DENND1A: variants seen among roughly 807,000 people sequenced by gnomAD.
The protein encoded by DENND1A is DENN domain containing 1A, also known as DENN domain-containing protein 1A.
A neutral mutation model predicts 113.7 loss-of-function variants in DENND1A; 51 were observed. The observed-to-expected ratio is 0.45, with a 90% CI of 0.36 to 0.57. The LOEUF (loss-of-function observed/expected upper bound fraction) is 0.57, where lower values mean the gene tolerates loss of function less well. Among genes scored for constraint, DENND1A ranks in the 20% least tolerant of loss-of-function variants. The probability of loss-of-function intolerance (pLI) is 0.00; values close to 1 mark genes in which losing one functional copy is unlikely to be tolerated. For missense variants in DENND1A, 1,258 were observed against 1,395.9 expected (o/e 0.90, Z 1.57); for synonymous variants, 565 against 570.8 (o/e 0.99, Z 0.14).
chr9:123,843,225 C>T, intron 2 of DENND1A: 2 of 520,724 alleles, frequency 3.8e-6, no homozygotes, highest in Non-Finnish European at 3.8e-6. Context: ...AGTAGTGAAA[C>T]CAAATGCATC....
intron 5 of DENND1A, among the ~76,000 whole-genome samples, chr9:123,743,730 C>G (rs912958102): frequency 6.7e-6 from 1 of 148,168 alleles, no homozygotes; most frequent in South Asian, 2.1e-4. Flanking sequence ...GAAACTGCAT[C>G]TCAAAAAAAA....
intron 12 of DENND1A, among the ~76,000 whole-genome samples, chr9:123,563,214 A>G (rs748582812): frequency 1.3e-5 from 2 of 152,182 alleles, no homozygotes; most frequent in Non-Finnish European, 2.9e-5. Context: ...GACTGGTCTT[A>G]TACAACCACA....
chr9:123,742,226 C>T (rs1306607427), intron 5 of DENND1A, among the ~76,000 whole-genome samples: 3 of 147,970 alleles, frequency 2.0e-5, no homozygotes, highest in Non-Finnish European at 4.5e-5. Context: ...CCTCTGTTTC[C>T]AAAGCATGGG....
chr9:123,876,863 A>C (rs1002061430), intron 2 of DENND1A, among the ~76,000 whole-genome samples: 1 of 152,226 alleles, frequency 6.6e-6, no homozygotes, highest in Non-Finnish European at 1.5e-5. Context: ...AAAATGTGGA[A>C]TACTACTCAG....
At chr9:123,453,900 T>G (rs1052233301) in intron 16 of DENND1A, among the ~76,000 whole-genome samples, 2 of 152,220 alleles carry the variant, frequency 1.3e-5, no homozygotes, top group Admixed American at 6.5e-5. Context: ...ACTCCCTTTA[T>G]CAATCAATCA....
At chr9:123,533,483 A>G (rs1180886836) in intron 13 of DENND1A, among the ~76,000 whole-genome samples, 2 of 152,248 alleles carry the variant, frequency 1.3e-5, no homozygotes, top group Non-Finnish European at 2.9e-5. Flanking sequence ...TGGCTTTCTC[A>G]GAGCCCAGAG....
intron 13 of DENND1A, among the ~76,000 whole-genome samples, chr9:123,527,459 C>T (rs1339502389): frequency 1.3e-5 from 2 of 152,132 alleles, no homozygotes; most frequent in African/African-American, 2.4e-5. Flanking sequence ...CTTTCAGGTT[C>T]ATCTCTTGCC....
intron 1 of DENND1A, among the ~76,000 whole-genome samples, chr9:123,916,374 T>C (rs1249526626): frequency 6.7e-6 from 1 of 149,680 alleles, no homozygotes; most frequent in Non-Finnish European, 1.5e-5. Flanking sequence ...GTATTTGCTT[T>C]TTTTTTTTTT....
chr9:123,623,094 T>C (rs1454229519), intron 10 of DENND1A, among the ~76,000 whole-genome samples: 1 of 152,082 alleles, frequency 6.6e-6, no homozygotes, highest in Non-Finnish European at 1.5e-5. Flanking sequence ...TTCATTCTTA[T>C]GCCACAGCTG....
chr9:123,613,402 A>C (rs1195510657), intron 10 of DENND1A, among the ~76,000 whole-genome samples: 1 of 152,202 alleles, frequency 6.6e-6, no homozygotes, highest in Non-Finnish European at 1.5e-5. Flanking sequence ...TCTAATTCAG[A>C]GGCATAAACG....
At chr9:123,460,484 T>C (rs946490267) in intron 13 of DENND1A, among the ~76,000 whole-genome samples, 3 of 152,230 alleles carry the variant, frequency 2.0e-5, no homozygotes, top group Non-Finnish European at 4.4e-5. Flanking sequence ...CTCCACCTGA[T>C]GGCCTGCTGG....
intron 22 of DENND1A, 103 bp downstream of exon 22, chr9:123,387,626 TC>T: frequency 2.3e-5 from 27 of 1,189,304 alleles, no homozygotes; most frequent in Non-Finnish European, 2.6e-5. Context: ...CCAGACACCC[TC>T]CCCCCGACAC....
At chr9:123,483,025 A>G (rs1588753797) in intron 13 of DENND1A, among the ~76,000 whole-genome samples, 1 of 152,220 alleles carries the variant, frequency 6.6e-6, no homozygotes, top group African/African-American at 2.4e-5. Context: ...TTCTGATCTC[A>G]GTGAGGCCAG....
intron 11 of DENND1A, among the ~76,000 whole-genome samples, chr9:123,596,737 C>A (rs1236697137): frequency 2.0e-5 from 3 of 152,198 alleles, no homozygotes; most frequent in Non-Finnish European, 4.4e-5. Context: ...GGCAAGCAAG[C>A]CCTAAAAGTA....
At chr9:123,796,236 G>T (rs1210583555) in intron 2 of DENND1A, among the ~76,000 whole-genome samples, 1 of 152,096 alleles carries the variant, frequency 6.6e-6, no homozygotes, top group Non-Finnish European at 1.5e-5. Context: ...CATCAAAGAG[G>T]CTGTCCCCAC....
intron 12 of DENND1A, among the ~76,000 whole-genome samples, chr9:123,563,667 C>T (rs972555260): frequency 2.6e-5 from 4 of 152,246 alleles, no homozygotes; most frequent in East Asian, 1.9e-4. Context: ...ATTCATCCTT[C>T]GCATTGAATT....
intron 5 of DENND1A, among the ~76,000 whole-genome samples, chr9:123,702,482 C>A (rs928636366): frequency 2.6e-5 from 4 of 152,068 alleles, no homozygotes; most frequent in Non-Finnish European, 4.4e-5. Context: ...AGATTCAATT[C>A]AAATAAGACT....
intron 12 of DENND1A, among the ~76,000 whole-genome samples, 175 bp downstream of exon 12, chr9:123,582,994 T>C (rs999385669): frequency 3.9e-5 from 6 of 152,168 alleles, no homozygotes; most frequent in Admixed American, 2.6e-4. Flanking sequence ...CCACCATGCC[T>C]GGCCACCTTC....
chr9:123,434,675 C>T lies in DENND1A; in HGVS notation c.1488+5685G>A, dbSNP rs12339297. Among the ~76,000 whole-genome samples the T allele has an allele frequency of 6.0e-3, 914 of 152,276 alleles. 12 individuals carry two copies. Among genetic ancestry groups the T allele is most frequent in the African/African-American group, 0.021 (867 of 41,562 alleles). On this transcript the variant is annotated intron_variant, in intron 19 of 23. Transcript: ENST00000394215. ...GGGTAGCACGAGGACAGAAGCAACT[C>T]ACTCTTCCTAGGGGAGTTGGGAGAA... is the stretch of plus-strand genomic sequence containing the variant.
Sources: gnomAD v4.1 joint callset for allele counts (sites outside exome capture counted in the v4.1 genomes callset) on GRCh38, gnomAD v4.1.1 for gene constraint, MANE v1.5 for transcripts, NCBI Gene and HGNC (gene_info 2026-07-23, HGNC 2026-07-21) for gene names.